Variants in AGMO observed in about 807,000 individuals in gnomAD.
AGMO encodes glyceryl-ether monooxygenase.
A neutral mutation model predicts 60.2 loss-of-function variants in AGMO; 75 were observed. That is an observed-to-expected ratio of 1.25 (90% CI 1.03 to 1.51). AGMO has a LOEUF of 1.51. Ranked by LOEUF, AGMO falls within the 40% of genes most tolerant of loss-of-function variation. The probability of loss-of-function intolerance (pLI) is 0.00; values close to 1 mark genes in which losing one functional copy is unlikely to be tolerated. For synonymous variants in AGMO, 261 were observed against 177.1 expected (o/e 1.47, Z -3.76); for missense variants, 763 against 525.5 (o/e 1.45, Z -4.42).
chr7:15,212,735 A>G (rs1781630712), intron 12 of AGMO, among the ~76,000 whole-genome samples: 1 of 151,916 alleles, frequency 6.6e-6, no homozygotes, highest in African/African-American at 2.4e-5. Context: ...TGCTTTGAGT[A>G]GCATTTTGGG....
intron 3 of AGMO, among the ~76,000 whole-genome samples, chr7:15,526,552 C>A (rs1279865473): frequency 6.6e-6 from 1 of 152,142 alleles, no homozygotes; most frequent in Non-Finnish European, 1.5e-5. Context: ...ATTTATAAAA[C>A]CAAAACCGTA....
At chr7:15,448,585 A>G (rs1488663894) in intron 3 of AGMO, among the ~76,000 whole-genome samples, 1 of 151,548 alleles carries the variant, frequency 6.6e-6, no homozygotes. Context: ...CCCTAAAAGC[A>G]ATGACTGATT....
the AGMO span, among the ~76,000 whole-genome samples, chr7:15,130,699 G>C: frequency 1.3e-5 from 2 of 151,492 alleles, no homozygotes; most frequent in African/African-American, 2.4e-5. Flanking sequence ...TTATAGTGAA[G>C]AATATTTTGT....
At chr7:15,315,881 T>C (rs1337184683) in intron 12 of AGMO, among the ~76,000 whole-genome samples, 1 of 152,182 alleles carries the variant, frequency 6.6e-6, no homozygotes, top group Non-Finnish European at 1.5e-5. Context: ...GTAGGTCAAC[T>C]ACACAATGAC....
rs566272369 is a variant in AGMO, at chr7:15,431,013, T to C, written c.505A>G (p.Thr169Ala). ...ALRQSVLQIY[T>A]SWIFYSPLAL... ...CATTTCATACAACTTACCCAGGAAG[T>C]ATATATCTGGAGGACAGACTGTCTC... Residue 169 changes from threonine (T) to alanine (A), a missense_variant, in exon 4 of 13, where the codon ACT becomes GCT. By Grantham distance (58) the Thr-to-Ala change is moderately conservative. Coordinates refer to ENST00000342526, the MANE Select transcript of AGMO (RefSeq NM_001004320.2). The C allele has an allele frequency of 3.8e-6, 6 of 1,589,478 alleles. No individual in the cohort carries two copies. The South Asian group carries it at 4.5e-5, about 12-fold the overall frequency.
intron 12 of AGMO, among the ~76,000 whole-genome samples, chr7:15,223,443 A>G (rs1373302842): frequency 1.3e-5 from 2 of 152,024 alleles, no homozygotes; most frequent in African/African-American, 4.8e-5. Context: ...AGATATAAGA[A>G]TGAACATTTG....
chr7:15,254,556 A>C (rs1042353705), intron 12 of AGMO, among the ~76,000 whole-genome samples: 2 of 152,110 alleles, frequency 1.3e-5, no homozygotes, highest in African/African-American at 4.8e-5. Flanking sequence ...AGGTCTTTTG[A>C]CCATTTAAAA....
chr7:15,422,395 C>A (rs75602022), intron 4 of AGMO, among the ~76,000 whole-genome samples: 1 of 151,336 alleles, frequency 6.6e-6, no homozygotes, highest in Non-Finnish European at 1.5e-5. Context: ...AGAAAAAAAA[C>A]AGTAAGGTAA....
At chr7:15,135,163 T>A in the AGMO span, among the ~76,000 whole-genome samples, 460 of 31,232 alleles carry the variant, frequency 0.015, 4 homozygotes, top group South Asian at 0.028. Flanking sequence ...TATATGAGTT[T>A]GTGTGTGTGT....
chr7:15,186,962 C>T, the AGMO span, among the ~76,000 whole-genome samples: 19 of 152,134 alleles, frequency 1.2e-4, no homozygotes, highest in Non-Finnish European at 2.6e-4. Context: ...TATTTCCTTT[C>T]GGGCCTTTCA....
At chr7:15,430,933 T>TTTTTTTTTTG in intron 4 of AGMO, 72 bp downstream of exon 4, 3 of 788,662 alleles carry the variant, frequency 3.8e-6, no homozygotes, top group South Asian at 2.7e-5. Flanking sequence ...TTTTTTTTTT[T>TTTTTTTTTTG]GAGGAAATAG....
At chr7:15,216,259 T>C (rs1465121985) in intron 12 of AGMO, among the ~76,000 whole-genome samples, 2 of 152,142 alleles carry the variant, frequency 1.3e-5, no homozygotes, top group Non-Finnish European at 2.9e-5. Context: ...AGAGTATTAA[T>C]GGCTTTGGCT....
chr7:15,546,601 G>C (rs1218778770), intron 2 of AGMO, among the ~76,000 whole-genome samples: 1 of 152,244 alleles, frequency 6.6e-6, no homozygotes, highest in Non-Finnish European at 1.5e-5. Flanking sequence ...CATGTAGACA[G>C]AGCTGGGGCT....
intron 5 of AGMO, among the ~76,000 whole-genome samples, chr7:15,401,336 T>C (rs905211874): frequency 2.6e-5 from 4 of 152,156 alleles, no homozygotes; most frequent in African/African-American, 9.7e-5. Flanking sequence ...TTGGCAAACA[T>C]TGACTAGTTA....
chr7:15,196,703 A>G (rs998969521), downstream of AGMO, among the ~76,000 whole-genome samples: 3 of 152,212 alleles, frequency 2.0e-5, no homozygotes, highest in African/African-American at 7.2e-5. Context: ...TGATGCATAA[A>G]GCAAAGACTG....
intron 3 of AGMO, among the ~76,000 whole-genome samples, chr7:15,461,332 C>CAA (rs551053983): frequency 2.8e-5 from 4 of 145,376 alleles, no homozygotes; most frequent in African/African-American, 1.0e-4. Flanking sequence ...TTTCTATTTT[C>CAA]AAAAAAAAAA....
At chr7:15,344,690 C>A (rs750584381) in intron 12 of AGMO, among the ~76,000 whole-genome samples, 3 of 152,132 alleles carry the variant, frequency 2.0e-5, no homozygotes, top group East Asian at 3.9e-4. Context: ...AGAGCAAGAT[C>A]CTGTCTCAAA....
In AGMO at chr7:15,502,706, G is replaced by A. The variant is rs138718588; in HGVS notation, c.409+42066C>T. ...AAAGCAATGCTTTTGGTGGTTAGAC[G>A]CTAGGTATGAAGAAACAAGAATGTG... On this transcript the variant is annotated intron_variant, in intron 3 of 12. Coordinates refer to ENST00000342526, the MANE Select transcript of AGMO (RefSeq NM_001004320.2). Among the ~76,000 whole-genome samples, 311 of 152,124 alleles carry A rather than the reference G, an allele frequency of 2.0e-3. 1 individual carries two copies. Among genetic ancestry groups the A allele is most frequent in the Middle Eastern group, 0.01 (3 of 294 alleles).
At chr7:15,270,374 T>C (rs931547926) in intron 12 of AGMO, among the ~76,000 whole-genome samples, 2 of 152,012 alleles carry the variant, frequency 1.3e-5, no homozygotes, top group African/African-American at 4.8e-5. Flanking sequence ...TCTGATGATC[T>C]ATGATGTTGA....
Sources: allele counts gnomAD v4.1 joint callset (sites outside exome capture counted in the v4.1 genomes callset), GRCh38; gene constraint gnomAD v4.1.1; transcripts MANE v1.5; gene names NCBI Gene and HGNC (gene_info 2026-07-23, HGNC 2026-07-21).